DAB1: variants seen among roughly 807,000 people sequenced by gnomAD.
The protein encoded by DAB1 is DAB adaptor protein 1, also known as disabled homolog 1.
In DAB1, 15 loss-of-function variants were observed where a neutral mutation model predicts 64.6. That is an observed-to-expected ratio of 0.23 (90% CI 0.16 to 0.36). DAB1 has a LOEUF of 0.36. DAB1 is among the 10% of genes least tolerant of loss of function. The pLI is 1.00. For synonymous variants in DAB1, 235 were observed against 251.9 expected, an observed-to-expected ratio of 0.93 and a Z score of 0.64; for missense variants, 596 against 706.7, an observed-to-expected ratio of 0.84 and a Z score of 1.78.
chr1:57,799,119 CG>C (rs1557487346), intron 6 of DAB1, among the ~76,000 whole-genome samples: 1 of 152,120 alleles, frequency 6.6e-6, no homozygotes, highest in African/African-American at 2.4e-5. Flanking sequence ...TGCGTTTCTT[CG>C]GCTGCAAAAT....
intron 2 of DAB1, among the ~76,000 whole-genome samples, chr1:57,212,160 T>C (rs1666060855): frequency 6.6e-6 from 1 of 152,114 alleles, no homozygotes; most frequent in African/African-American, 2.4e-5. Flanking sequence ...GGCAGCATTC[T>C]GTATCTGGCC....
intron 2 of DAB1, among the ~76,000 whole-genome samples, chr1:57,186,054 TAC>T (rs1289814625): frequency 1.1e-4 from 17 of 152,156 alleles, no homozygotes; most frequent in Non-Finnish European, 2.4e-4. Flanking sequence ...TGTATATCAA[TAC>T]CACCTGGGAC....
At chr1:57,342,436 C>A (rs1677668601) in intron 1 of DAB1, among the ~76,000 whole-genome samples, 1 of 152,184 alleles carries the variant, frequency 6.6e-6, no homozygotes, top group Non-Finnish European at 1.5e-5. Context: ...TTGCCAAAAG[C>A]ATAGCACTTG....
chr1:57,818,852 G>T (rs1014816610), intron 6 of DAB1, among the ~76,000 whole-genome samples: 1 of 151,772 alleles, frequency 6.6e-6, no homozygotes, highest in Admixed American at 6.6e-5. Flanking sequence ...CAGAAGATCC[G>T]AGTGCTGAAA....
rs1645843766 is a variant in DAB1, at chr1:57,620,437, C to CA, written n.625+29154dup. Among the ~76,000 whole-genome samples, 4 of 152,212 alleles carry CA rather than the reference C, an allele frequency of 2.6e-5. No individual in the cohort carries two copies. In the South Asian group the frequency reaches 8.3e-4, roughly 32 times the overall value. Reference sequence around the variant, plus strand: ...TGCTAGTTTTGTATGAGATGAATCTCAAAAAATGCTTATTAAACAGATGAC... The same window carrying CA: ...TGCTAGTTTTGTATGAGATGAATCTCAAAAAAATGCTTATTAAACAGATGAC... On this transcript the variant is annotated intron_variant and non_coding_transcript_variant, in intron 7 of 20. Transcript: ENST00000485760.
intron 7 of DAB1, among the ~76,000 whole-genome samples, chr1:57,498,701 CA>C (rs1644256752): frequency 6.6e-6 from 1 of 152,156 alleles, no homozygotes; most frequent in Non-Finnish European, 1.5e-5. Flanking sequence ...CAATAAGAGA[CA>C]GACCTTTTAA....
chr1:58,146,472 C>A (rs1654600337), intron 5 of DAB1, among the ~76,000 whole-genome samples: 1 of 152,156 alleles, frequency 6.6e-6, no homozygotes, highest in African/African-American at 2.4e-5. Flanking sequence ...TGCATTACTG[C>A]AAGTTTGTAC....
Position 58,273,386 on chromosome 1 carries a change from G to C in DAB1, n.309+69966C>G, listed in dbSNP as rs1361890490. On this transcript the variant is annotated intron_variant and non_coding_transcript_variant, in intron 4 of 20. Transcript: ENST00000485760. ...GTTTCTGCCGAGAGATCCACCGTTAGTCTGATGGGCTTCCCTTTGAGGGTA... is the reference window on the plus strand; with the variant it reads ...GTTTCTGCCGAGAGATCCACCGTTACTCTGATGGGCTTCCCTTTGAGGGTA... Among the ~76,000 whole-genome samples the C allele has an allele frequency of 8.3e-5, 2 of 24,032 alleles. 1 individual carries two copies. The highest frequency in any genetic ancestry group is 1.9e-4 in the Non-Finnish European group (2 of 10,644). The allele number at this position is 24,032 out of a possible 152,430, so 15.8% of individuals were successfully genotyped here.
At chr1:57,290,615 G>A (rs1353762139) in intron 2 of DAB1, among the ~76,000 whole-genome samples, 6 of 152,074 alleles carry the variant, frequency 3.9e-5, no homozygotes, top group Non-Finnish European at 8.8e-5. Context: ...TGTATATTAT[G>A]AGAAAAGTTT....
chr1:58,115,124 C>T (rs571414703), intron 5 of DAB1, among the ~76,000 whole-genome samples: 15 of 135,572 alleles, frequency 1.1e-4, no homozygotes, highest in Non-Finnish European at 2.0e-4. Context: ...CTACAATGAA[C>T]TCAAACAAAT....
At chr1:58,294,546 G>A (rs558143644) in intron 4 of DAB1, among the ~76,000 whole-genome samples, 3 of 152,218 alleles carry the variant, frequency 2.0e-5, no homozygotes, top group South Asian at 2.1e-4. Context: ...AAGGAGACAC[G>A]GCTCTGTCTT....
At chr1:57,730,106 T>A (rs1647346063) in intron 6 of DAB1, among the ~76,000 whole-genome samples, 1 of 152,170 alleles carries the variant, frequency 6.6e-6, no homozygotes, top group Non-Finnish European at 1.5e-5. Context: ...TCTAATTTCC[T>A]CTCAAACTGG....
intron 6 of DAB1, among the ~76,000 whole-genome samples, chr1:57,791,373 C>T (rs577402933): frequency 1.3e-5 from 2 of 152,300 alleles, no homozygotes; most frequent in East Asian, 3.9e-4. Context: ...TCTACTTTTA[C>T]TAGCTACTAT....
intron 4 of DAB1, among the ~76,000 whole-genome samples, chr1:58,323,087 T>C (rs1662727425): frequency 6.7e-6 from 1 of 149,104 alleles, no homozygotes; most frequent in Admixed American, 6.7e-5. Flanking sequence ...TGCGTTCCTA[T>C]TGTGGGGTGG....
intron 2 of DAB1, among the ~76,000 whole-genome samples, chr1:57,201,781 A>G (rs1339037653): frequency 8.5e-5 from 13 of 152,132 alleles, no homozygotes; most frequent in Admixed American, 7.9e-4. Context: ...AGATCTGGAG[A>G]ACAGGGATCA....
At chr1:57,426,874 A>ATATATTTTTTTT (rs57970737), upstream of DAB1, among the ~76,000 whole-genome samples, 49 of 149,276 alleles carry the variant, frequency 3.3e-4, no homozygotes, top group African/African-American at 1.2e-3. Flanking sequence ...ATATATATAT[A>ATATATTTTTTTT]TTTTTTTGAG....
chr1:57,315,507 T>C (rs531034663), intron 1 of DAB1, among the ~76,000 whole-genome samples: 1 of 152,094 alleles, frequency 6.6e-6, no homozygotes, highest in Non-Finnish European at 1.5e-5. Context: ...ACCTATTATA[T>C]GATCTTTTTT....
At chr1:58,252,225 C>A (rs1051229497) in intron 4 of DAB1, among the ~76,000 whole-genome samples, 148 of 152,268 alleles carry the variant, frequency 9.7e-4, no homozygotes, top group African/African-American at 2.9e-3. Flanking sequence ...TGTCCAGGAC[C>A]AGGCAGGGGT....
chr1:57,340,180 A>G (rs990788667), intron 1 of DAB1, among the ~76,000 whole-genome samples: 1 of 152,220 alleles, frequency 6.6e-6, no homozygotes, highest in Non-Finnish European at 1.5e-5. Flanking sequence ...AGGAGAGGTA[A>G]CACCATTTAG....
Sources: allele counts gnomAD v4.1 joint callset (sites outside exome capture counted in the v4.1 genomes callset), GRCh38; gene constraint gnomAD v4.1.1; transcripts MANE v1.5; gene names NCBI Gene and HGNC (gene_info 2026-07-23, HGNC 2026-07-21).